Variants in SEC16A observed in about 807,000 individuals in gnomAD.
SEC16A encodes SEC16 homolog A, endoplasmic reticulum export factor.
In SEC16A, 110 loss-of-function variants were observed where a neutral mutation model predicts 221.9. The ratio of observed to expected loss-of-function variants is 0.50; its 90% confidence interval spans 0.42 to 0.58. The LOEUF is 0.58. Ranked by LOEUF, SEC16A falls within the 20% of genes least tolerant of loss-of-function variation. SEC16A has a pLI of 0.00. For missense variants in SEC16A, 3,165 were observed against 3,097.8 expected (o/e 1.02, Z -0.52); for synonymous variants, 1,393 against 1,257.7 (o/e 1.11, Z -2.28).
Position 136,467,100 on chromosome 9 carries a change from A to T in SEC16A, c.3803-17T>A. 1.2e-6 allele frequency: 2 copies of T among 1,613,702 alleles called. No individual in the cohort carries two copies. The highest frequency in any genetic ancestry group is 1.7e-6 in the Non-Finnish European group (2 of 1,179,796). The stretch of plus-strand genomic sequence containing the variant: ...GACCTGGATCTGTGAGCAAGGAATT[A>T]ATGATTAATACAGTAACATGCAAAA... On this transcript the variant is annotated splice_polypyrimidine_tract_variant and intron_variant, in intron 5 of 31. Coordinates refer to ENST00000684901, the MANE Select transcript of SEC16A (RefSeq NM_014866.2).
chr9:136,474,069 C>T lies in SEC16A; in HGVS notation c.3547G>A (p.Ala1183Thr), dbSNP rs775854652. The change falls in exon 3 of 32, where the codon GCA becomes ACA. Residue 1183 changes from alanine to threonine, a missense_variant. Physicochemically the swap from Ala to Thr is moderately conservative, Grantham distance 58. Transcript: ENST00000684901. ...YSLPYPPEPG[A>T]ASLYYQDVYS... ...CTTACCTGGTAATAGAGGGAGGCTG[C>T]GCCAGGCTCCGGTGGGTACGGCAAA... 8.1e-6 allele frequency: 13 copies of T among 1,604,518 alleles called. No homozygotes were observed. Among genetic ancestry groups the T allele is most frequent in the Admixed American group, 1.7e-5 (1 of 59,358 alleles).
chr9:136,468,365 T>G, intron 5 of SEC16A, 50 bp downstream of exon 5: 1 of 1,233,816 alleles, frequency 8.1e-7, no homozygotes, highest in Non-Finnish European at 1.2e-6. Context: ...ATCAGTGTCT[T>G]TTGCACAAGG....
At chr9:136,453,576 C>T (rs1838180592) in intron 21 of SEC16A, 66 bp from the exon 22 acceptor site, 1 of 1,292,154 alleles carries the variant, frequency 7.7e-7, no homozygotes, top group South Asian at 1.2e-5. Flanking sequence ...GTGTGGCGCA[C>T]AGATCAACAG....
Position 136,460,029 on chromosome 9 carries a change from C to G in SEC16A, c.5073+13G>C. The G allele has an allele frequency of 6.3e-7, 1 of 1,595,100 alleles. No individual in the cohort carries two copies. Among genetic ancestry groups the G allele is most frequent in the Non-Finnish European group, 8.5e-7 (1 of 1,170,344 alleles). ...AGTGGAGCCTGTGCAAGCCACCAGGCAGTGCCACTCACCGTGGACGCGGCA... is the reference window on the plus strand; with the variant it reads ...AGTGGAGCCTGTGCAAGCCACCAGGGAGTGCCACTCACCGTGGACGCGGCA... On this transcript the variant is annotated intron_variant, in intron 14 of 31. Coordinates refer to ENST00000684901, the MANE Select transcript of SEC16A (RefSeq NM_014866.2).
chr9:136,451,199 G>A lies in SEC16A; in HGVS notation c.6312+57C>T, dbSNP rs757345148. On this transcript the variant is annotated intron_variant, in intron 23 of 31. Transcript: ENST00000684901. ...TTAAGAGGATGGCGCTCTGGGAAGC[G>A]TGCCTCCTGCCCAAACCCTCCCGGC... is the stretch of plus-strand genomic sequence containing the variant. 3.0e-4 allele frequency: 470 copies of A among 1,553,352 alleles called. 5 individuals are homozygous for A. The Middle Eastern group carries it at 0.01, about 33-fold the overall frequency.
intron 8 of SEC16A, 37 bp downstream of exon 8, chr9:136,465,925 G>C: frequency 6.3e-7 from 1 of 1,587,860 alleles, no homozygotes; most frequent in African/African-American, 1.3e-5. Flanking sequence ...GCCCCAGTGG[G>C]GTTAGCCGGT....
Position 136,459,439 on chromosome 9 carries a change from T to G in SEC16A, c.5303+5A>C. The G allele has an allele frequency of 1.3e-6, 2 of 1,593,890 alleles. No homozygotes were observed. The highest frequency in any genetic ancestry group is 2.3e-5 in the South Asian group (2 of 88,622). On this transcript the variant is annotated splice_donor_5th_base_variant and intron_variant, in intron 16 of 31. Transcript: ENST00000684901. The surrounding 1 kb of genome is among the most constrained non-coding windows in gnomAD (Gnocchi z 6.1). ...TTACAGGACTACACTGACTTGGTTC[T>G]TTACCTGTGATTGGATCCGATTAAG... is the stretch of plus-strand genomic sequence containing the variant.
chr9:136,464,326 G>A, intron 9 of SEC16A, 94 bp downstream of exon 9: 1 of 1,217,850 alleles, frequency 8.2e-7, no homozygotes. Flanking sequence ...TATGTCCAGA[G>A]ACAAGGTCTG....
Position 136,447,323 on chromosome 9 carries a change from C to A in SEC16A, c.6601G>T (p.Gly2201Trp). 1 of 1,596,432 alleles carries A rather than the reference C, an allele frequency of 6.3e-7. No individual in the cohort carries two copies. Among genetic ancestry groups the A allele is most frequent in the Admixed American group, 1.8e-5 (1 of 56,852 alleles). ...AGAGCCGGCTCGCTCCGCTGGGTCC[C>A]GCTTGGGTTCAGGACGTCAACGTAG... ...ARYVDVLNPS[G>W]TQRSEPALAP... The change falls in exon 27 of 32, where the codon GGG becomes TGG. Residue 2201 changes from glycine to tryptophan, a missense_variant. Transcript: ENST00000684901. This position sits in a 1 kb window ranked among gnomAD's most constrained non-coding sequence, Gnocchi z 5.5.
rs2131636970 is a variant in SEC16A, at chr9:136,440,386, G to C, written c.*1369C>G. ...TGGAACATTTTGGAAAACATCCTGGGTGGTCTGGGCTAAATGATCAAGTGA... is the reference window on the plus strand; with the variant it reads ...TGGAACATTTTGGAAAACATCCTGGCTGGTCTGGGCTAAATGATCAAGTGA... On this transcript the variant is annotated 3_prime_UTR_variant, in exon 32 of 32. Coordinates refer to ENST00000684901, the MANE Select transcript of SEC16A (RefSeq NM_014866.2). The C allele has an allele frequency of 6.5e-6, 1 of 152,686 alleles. No homozygotes were observed. The highest frequency in any genetic ancestry group is 1.5e-5 in the Non-Finnish European group (1 of 68,048). The allele number at this position is 152,686 out of a possible 1,614,324, so 9.5% of individuals were successfully genotyped here.
In SEC16A at chr9:136,474,412, A is replaced by C; in HGVS notation, c.3204T>G (p.Ala1068=). The C allele has an allele frequency of 6.2e-7, 1 of 1,612,954 alleles. No homozygotes were observed. The highest frequency in any genetic ancestry group is 8.5e-7 in the Non-Finnish European group (1 of 1,179,906). The stretch of plus-strand genomic sequence containing the variant: ...TGGCTTTGGGTAGTTGTGGGGGAGA[A>C]GCCTGTTGCTGGGGTGGCACCAGCT... ...QQELVPPQQQ[A]SPPQLPKAMF... is the part of the protein sequence containing the mutation. The change falls in exon 3 of 32, where the codon GCT becomes GCG. Residue 1068 remains alanine (A), a synonymous_variant. Coordinates refer to ENST00000684901, the MANE Select transcript of SEC16A (RefSeq NM_014866.2).
At position 136,474,776 on chromosome 9, in the gene SEC16A, G is replaced by A. The variant is rs987921893; in HGVS notation, c.2840C>T (p.Ala947Val). The part of the protein sequence containing the change: ...LVPESQKDRK[A>V]GSALPGFANS... ...AGCAAATCCGGGAAGAGCACTTCCT[G>A]CCTTACGATCCTTTTGACTTTCTGG... is the stretch of plus-strand genomic sequence containing the variant. Residue 947 changes from alanine (A) to valine (V), a missense_variant, in exon 3 of 32, where the codon GCA (alanine) becomes GTA (valine). Coordinates refer to ENST00000684901, the MANE Select transcript of SEC16A (RefSeq NM_014866.2). 13 of 1,613,838 alleles carry A rather than the reference G, an allele frequency of 8.1e-6. No individual in the cohort carries two copies. The highest frequency in any genetic ancestry group is 1.3e-5 in the African/African-American group (1 of 74,920).
intron 1 of SEC16A, among the ~76,000 whole-genome samples, chr9:136,480,686 T>C (rs924793152): frequency 6.6e-6 from 1 of 152,070 alleles, no homozygotes; most frequent in Non-Finnish European, 1.5e-5. Context: ...GGTCAGAAGA[T>C]CGAGACCATC....
intron 22 of SEC16A, among the ~76,000 whole-genome samples, chr9:136,451,682 C>A (rs530275627): frequency 6.6e-6 from 1 of 152,108 alleles, no homozygotes; most frequent in Non-Finnish European, 1.5e-5. Context: ...CAAATGAGGG[C>A]GTTCGATGGA....
In SEC16A at chr9:136,474,598, T is replaced by C. The variant is rs1260543548; in HGVS notation, c.3018A>G (p.Val1006=). ...FTLSRTLENP[V]NVYNPSHSDS... ...CAGAATGGGACGGGTTGTACACGTT[T>C]ACAGGATTTTCCAAAGTCCTGCTTA... The change falls in exon 3 of 32, where the codon GTA becomes GTG. Residue 1006 remains valine (V), a synonymous_variant. Transcript: ENST00000684901. 2.5e-6 allele frequency: 4 copies of C among 1,613,004 alleles called. No homozygotes were observed. Among genetic ancestry groups the C allele is most frequent in the Non-Finnish European group, 2.5e-6 (3 of 1,179,808 alleles).
rs1391330378 is a variant in SEC16A, at chr9:136,456,158, G to A, written c.5559C>T (p.Ser1853=). The part of the protein sequence containing the change: ...VLISQLVQMA[S]QLRLFDPQLK... ...GCTGGGGATCGAAGAGTCGTAACTG[G>A]GAAGCCATCTAGACACGGGCAAAAA... The change falls in exon 19 of 32, where the codon TCC becomes TCT. Residue 1853 remains serine (S), a synonymous_variant. Transcript: ENST00000684901. The A allele has an allele frequency of 6.2e-7, 1 of 1,611,404 alleles. No homozygotes were observed. The highest frequency in any genetic ancestry group is 8.5e-7 in the Non-Finnish European group (1 of 1,179,166).
Position 136,474,106 on chromosome 9 carries a change from C to A in SEC16A, c.3510G>T (p.Gln1170His). The change falls in exon 3 of 32, where the codon CAG (glutamine) becomes CAT (histidine). Residue 1170 changes from glutamine to histidine, a missense_variant. By Grantham distance (24) the Gln-to-His change is conservative. Coordinates refer to ENST00000684901, the MANE Select transcript of SEC16A (RefSeq NM_014866.2). ...GTGGGTACGGCAAAGAGTACTGAGG[C>A]TGGTAGGCATCGTACAAAGGCCGGT... ...YYYRPLYDAY[Q>H]PQYSLPYPPE... 4.3e-6 allele frequency: 7 copies of A among 1,613,062 alleles called. No homozygotes were observed. Among genetic ancestry groups the A allele is most frequent in the Non-Finnish European group, 5.9e-6 (7 of 1,179,800 alleles).
At position 136,468,490 on chromosome 9, in the gene SEC16A, A is replaced by G. The variant is rs963301372; in HGVS notation, c.3727T>C (p.Tyr1243His). 7.4e-6 allele frequency: 12 copies of G among 1,611,784 alleles called. No homozygotes were observed. In the African/African-American group the frequency reaches 1.6e-4, roughly 21 times the overall value. The change falls in exon 5 of 32, where the codon TAT (tyrosine) becomes CAT (histidine). Residue 1243 changes from tyrosine to histidine, a missense_variant. Coordinates refer to ENST00000684901, the MANE Select transcript of SEC16A (RefSeq NM_014866.2). ...CTGCTCCATCCACTTTTGGAACTATAGTATCCTTCAGGATATCCTTGCCTG... is the reference window on the plus strand; with the variant it reads ...CTGCTCCATCCACTTTTGGAACTATGGTATCCTTCAGGATATCCTTGCCTG... ...PPRQGYPEGY[Y>H]SSKSGWSSQS...
intron 4 of SEC16A, among the ~76,000 whole-genome samples, chr9:136,471,466 C>G (rs1231874523): frequency 6.6e-6 from 1 of 152,016 alleles, no homozygotes; most frequent in African/African-American, 2.4e-5. Flanking sequence ...AGAGTGAGAC[C>G]TGCCTTAAAA....
Sources: gnomAD v4.1 joint callset for allele counts (sites outside exome capture counted in the v4.1 genomes callset) on GRCh38, gnomAD v4.1.1 for gene constraint, Gnocchi (gnomAD v3.1) non-coding constraint, MANE v1.5 for transcripts, NCBI Gene and HGNC (gene_info 2026-07-23, HGNC 2026-07-21) for gene names.